The following ACCSL variants were observed in gnomAD, a reference collection of about 807,000 sequenced individuals.
The protein encoded by ACCSL is probable inactive 1-aminocyclopropane-1-carboxylate synthase-like protein 2.
Under a neutral mutation model 61.7 loss-of-function variants are expected in ACCSL, and 55 were observed. The ratio of observed to expected loss-of-function variants is 0.89; its 90% confidence interval spans 0.72 to 1.12. The LOEUF is 1.12. Among genes scored for constraint, ACCSL ranks in the 50% most tolerant of loss-of-function variants. The probability of loss-of-function intolerance (pLI) is 0.00; values close to 1 mark genes in which losing one functional copy is unlikely to be tolerated. For missense variants in ACCSL, 632 were observed against 698.0 expected (o/e 0.91, Z 1.07); for synonymous variants, 258 against 264.3 (o/e 0.98, Z 0.23).
At chr11:44,041,775 C>A in the ACCSL span, among the ~76,000 whole-genome samples, 1 of 152,116 alleles carries the variant, frequency 6.6e-6, no homozygotes, top group Non-Finnish European at 1.5e-5. Flanking sequence ...AATAGGTAGG[C>A]CTTATCTTGT....
In ACCSL at chr11:44,050,476, A is replaced by C. The variant is rs188629103; in HGVS notation, c.565-76A>C. The C allele has an allele frequency of 3.1e-6, 4 of 1,304,358 alleles. No individual in the cohort carries two copies. In the African/African-American group the frequency reaches 4.4e-5, roughly 14 times the overall value. The allele number at this position is 1,304,358 out of a possible 1,614,324, so 80.8% of individuals were successfully genotyped here. On this transcript the variant is annotated intron_variant, in intron 2 of 13. Transcript: ENST00000378832. ...TCATGTATGTGGAGGGCAAACACTC[A>C]TGTACAAACTAGGAGTAGAATGAGG... is the stretch of plus-strand genomic sequence containing the variant.
chr11:44,014,760 A>G, the ACCSL span, among the ~76,000 whole-genome samples: 6 of 152,162 alleles, frequency 3.9e-5, no homozygotes, highest in African/African-American at 1.4e-4. Context: ...CCCTAGGAGT[A>G]GGAGGGGAGA....
chr11:43,969,303 G>A, the ACCSL span, among the ~76,000 whole-genome samples: 2,393 of 152,264 alleles, frequency 0.016, 24 homozygotes, highest in South Asian at 0.039. Context: ...CAAGGCTGCA[G>A]TGAGCCATGA....
At chr11:44,015,267 A>G in the ACCSL span, among the ~76,000 whole-genome samples, 2 of 152,202 alleles carry the variant, frequency 1.3e-5, no homozygotes, top group Non-Finnish European at 2.9e-5. Flanking sequence ...CAATAAATCT[A>G]CTAATAAGAT....
At chr11:43,936,851 C>T in the ACCSL span, among the ~76,000 whole-genome samples, 1,164 of 152,094 alleles carry the variant, frequency 7.7e-3, 13 homozygotes, top group African/African-American at 0.027. Flanking sequence ...TATGGGAGCT[C>T]GGTCCTCCAT....
chr11:43,975,035 A>G, the ACCSL span, among the ~76,000 whole-genome samples: 13 of 152,348 alleles, frequency 8.5e-5, no homozygotes, highest in African/African-American at 3.1e-4. Flanking sequence ...TGTTATCATA[A>G]AAACTACCTA....
At chr11:44,030,029 ATTT>A in the ACCSL span, among the ~76,000 whole-genome samples, 7 of 20,990 alleles carry the variant, frequency 3.3e-4, no homozygotes, top group Admixed American at 1.7e-3. Flanking sequence ...ATTTTATTTT[ATTT>A]TATGTTTGCT....
At chr11:44,008,176 C>T in the ACCSL span, among the ~76,000 whole-genome samples, 1 of 152,180 alleles carries the variant, frequency 6.6e-6, no homozygotes, top group Admixed American at 6.5e-5. Context: ...GATTCACCTT[C>T]TAAGGCTGCC....
At chr11:43,994,588 A>C in the ACCSL span, among the ~76,000 whole-genome samples, 1 of 151,674 alleles carries the variant, frequency 6.6e-6, no homozygotes, top group Non-Finnish European at 1.5e-5. Flanking sequence ...GTTTCTAAGA[A>C]TTTCATTTTG....
the ACCSL span, among the ~76,000 whole-genome samples, chr11:43,997,611 G>C: frequency 8.5e-4 from 130 of 152,296 alleles, no homozygotes; most frequent in Middle Eastern, 6.8e-3. Flanking sequence ...ATCAAACGTA[G>C]ATGTCTATGT....
At chr11:43,929,863 G>A in the ACCSL span, among the ~76,000 whole-genome samples, 1 of 152,148 alleles carries the variant, frequency 6.6e-6, no homozygotes, top group Non-Finnish European at 1.5e-5. Context: ...TGGGCTTTGG[G>A]CAGGTCTTAC....
the ACCSL span, among the ~76,000 whole-genome samples, chr11:44,010,023 CTGACATCTAAA>C: frequency 6.6e-6 from 1 of 152,126 alleles, no homozygotes; most frequent in Non-Finnish European, 1.5e-5. Flanking sequence ...GCTAAGAGGA[CTGACATCTAAA>C]TGAGAGATAA....
the ACCSL span, among the ~76,000 whole-genome samples, chr11:43,948,209 G>T: frequency 0.61 from 93,052 of 152,036 alleles, 28,723 homozygotes; most frequent in East Asian, 0.8. Flanking sequence ...CTGCCCATGA[G>T]CCCAGGGAAT....
intron 3 of ACCSL, 152 bp from the exon 4 acceptor site, chr11:44,051,183 G>A (rs1424162713): frequency 3.9e-6 from 3 of 772,902 alleles, no homozygotes; most frequent in African/African-American, 1.7e-5. Flanking sequence ...TTGTCTGTGT[G>A]ACTTGGGGAG....
the ACCSL span, among the ~76,000 whole-genome samples, chr11:44,041,693 A>C: frequency 6.6e-6 from 1 of 152,156 alleles, no homozygotes; most frequent in Non-Finnish European, 1.5e-5. Context: ...CCCTTTTCTG[A>C]CTCAAATTTC....
At chr11:43,979,569 C>A in the ACCSL span, among the ~76,000 whole-genome samples, 1 of 152,060 alleles carries the variant, frequency 6.6e-6, no homozygotes, top group South Asian at 2.1e-4. Context: ...TCATTTTATG[C>A]CCTGAATAGT....
At chr11:43,979,582 G>A in the ACCSL span, among the ~76,000 whole-genome samples, 3 of 152,116 alleles carry the variant, frequency 2.0e-5, no homozygotes, top group Non-Finnish European at 2.9e-5. Flanking sequence ...TGAATAGTAA[G>A]TCTCTGTCGT....
At chr11:43,965,602 G>A in the ACCSL span, among the ~76,000 whole-genome samples, 1 of 152,084 alleles carries the variant, frequency 6.6e-6, no homozygotes, top group African/African-American at 2.4e-5. Flanking sequence ...TGCAGAAGTG[G>A]AAAAGCTGAT....
rs139804865 is a variant in ACCSL at position 44,051,121 on chromosome 11, A to G, written c.636-214A>G. ...CTCCCAAAGTGCTGGGATTACAGGC[A>G]TGAGCCACTGTGCCCGGCCAAGGCC... On this transcript the variant is annotated intron_variant, in intron 3 of 13. Coordinates refer to ENST00000378832, the MANE Select transcript of ACCSL (RefSeq NM_001031854.2). Among the ~76,000 whole-genome samples, 301 of 152,308 alleles carry G rather than the reference A, an allele frequency of 2.0e-3. 1 individual carries two copies. Among genetic ancestry groups the G allele is most frequent in the African/African-American group, 6.8e-3 (284 of 41,570 alleles).
Sources: gnomAD v4.1 joint callset for allele counts (sites outside exome capture counted in the v4.1 genomes callset) on GRCh38, gnomAD v4.1.1 for gene constraint, MANE v1.5 for transcripts, NCBI Gene and HGNC (gene_info 2026-07-23, HGNC 2026-07-21) for gene names.